CCDC170: variants seen among roughly 807,000 people sequenced by gnomAD.
CCDC170 encodes the protein coiled-coil domain-containing protein 170.
Under a neutral mutation model 72.6 loss-of-function variants are expected in CCDC170, and 69 were observed. That is an observed-to-expected ratio of 0.95 (90% CI 0.78 to 1.16). The LOEUF (loss-of-function observed/expected upper bound fraction) is 1.16. CCDC170 is among the 50% of genes most tolerant of loss of function. CCDC170 has a pLI of 0.00. For synonymous variants in CCDC170, 300 were observed against 303.9 expected, an observed-to-expected ratio of 0.99 and a Z score of 0.13; for missense variants, 852 against 832.5, an observed-to-expected ratio of 1.02 and a Z score of -0.29.
At chr6:151,561,209 C>T (rs1249223477) in intron 5 of CCDC170, among the ~76,000 whole-genome samples, 1 of 151,822 alleles carries the variant, frequency 6.6e-6, no homozygotes, top group African/African-American at 2.4e-5. Flanking sequence ...TCCTTTGTTA[C>T]AAACAATCCA....
In CCDC170 at chr6:151,532,755, T is replaced by G. The variant is rs139057234; in HGVS notation, c.58-3563T>G. On this transcript the variant is annotated intron_variant, in intron 1 of 10. Transcript: ENST00000239374. ...GACCCCAGTAACAATATCGACAAAA[T>G]TTTTTGGAATTTTCCAAGAAGATTT... Among the ~76,000 whole-genome samples, 584 of 152,276 alleles carry G rather than the reference T, an allele frequency of 3.8e-3. 4 individuals are homozygous for G. The highest frequency in any genetic ancestry group is 0.013 in the African/African-American group (561 of 41,556).
intron 9 of CCDC170, among the ~76,000 whole-genome samples, chr6:151,601,308 A>G (rs1371755406): frequency 2.6e-5 from 4 of 152,124 alleles, no homozygotes; most frequent in Non-Finnish European, 5.9e-5. Flanking sequence ...CCCTCTCACA[A>G]CATATGGGAA....
At chr6:151,524,224 G>T (rs946849039) in intron 1 of CCDC170, among the ~76,000 whole-genome samples, 1 of 152,174 alleles carries the variant, frequency 6.6e-6, no homozygotes, top group Non-Finnish European at 1.5e-5. Flanking sequence ...GCATGTCTGG[G>T]CAAGCCCCCC....
chr6:151,541,886 A>ATATT (rs1554221612), intron 3 of CCDC170, among the ~76,000 whole-genome samples: 5 of 137,156 alleles, frequency 3.6e-5, no homozygotes, highest in African/African-American at 1.1e-4. Flanking sequence ...ATATATATAT[A>ATATT]TTTTTTTTTT....
intron 9 of CCDC170, among the ~76,000 whole-genome samples, chr6:151,602,094 G>GA (rs1463499746): frequency 6.6e-6 from 1 of 152,126 alleles, no homozygotes; most frequent in Non-Finnish European, 1.5e-5. Flanking sequence ...AACCATGATT[G>GA]AAGACCTTGA....
intron 3 of CCDC170, 84 bp from the exon 4 acceptor site, chr6:151,544,488 C>T (rs1369517471): frequency 3.1e-6 from 4 of 1,279,618 alleles, no homozygotes; most frequent in Non-Finnish European, 4.3e-6. Context: ...TTATTTCCCC[C>T]ATAGAGCTTA....
chr6:151,525,090 A>ACG (rs1173344689), intron 1 of CCDC170, among the ~76,000 whole-genome samples: 10 of 151,888 alleles, frequency 6.6e-5, no homozygotes, highest in Non-Finnish European at 1.2e-4. Context: ...CCGCCACTGC[A>ACG]CCCAGCTAAT....
chr6:151,506,160 C>T (rs1782063336), intron 1 of CCDC170, among the ~76,000 whole-genome samples: 1 of 152,096 alleles, frequency 6.6e-6, no homozygotes, highest in Non-Finnish European at 1.5e-5. Flanking sequence ...CCAGTGTTGG[C>T]CTGAGTTATA....
chr6:151,610,791 T>C (rs1776857970), intron 9 of CCDC170, among the ~76,000 whole-genome samples: 2 of 152,260 alleles, frequency 1.3e-5, no homozygotes, highest in Admixed American at 6.5e-5. Flanking sequence ...GTGATATTTT[T>C]CACTGGCTCT....
rs148514615 is a variant in CCDC170 at position 151,587,510 on chromosome 6, G to A, written c.1293+1421G>A. Among the ~76,000 whole-genome samples, 207 of 152,302 alleles carry A rather than the reference G, an allele frequency of 1.4e-3. 3 individuals carry two copies. Among genetic ancestry groups the A allele is most frequent in the African/African-American group, 4.9e-3 (203 of 41,572 alleles). ...GGGAAAGGGAGGCACACAGGCCCAA[G>A]AGCCTCGATGCCAAATTTGGCATGA... On this transcript the variant is annotated intron_variant, in intron 7 of 10. Transcript: ENST00000239374.
At chr6:151,556,853 C>T (rs528368582) in intron 5 of CCDC170, among the ~76,000 whole-genome samples, 133 of 152,214 alleles carry the variant, frequency 8.7e-4, no homozygotes, top group Middle Eastern at 6.8e-3. Context: ...ATGCTTGTAT[C>T]CATTAACCAA....
rs1371610287 is a variant in CCDC170 at position 151,538,130 on chromosome 6, A to C, written c.272A>C (p.Asn91Thr). 1 of 1,614,038 alleles carries C rather than the reference A, an allele frequency of 6.2e-7. No homozygotes were observed. Among genetic ancestry groups the C allele is most frequent in the South Asian group, 1.1e-5 (1 of 91,084 alleles). Residue 91 changes from asparagine (N) to threonine (T), a missense_variant, in exon 3 of 11, where the codon AAT becomes ACT. Transcript: ENST00000239374. ...KAEMESYKEN[N>T]ARKSSLLTSL... is the part of the protein sequence containing the mutation. ...GAAATGGAGAGCTACAAGGAAAACA[A>C]TGCCAGAAAATCATCTCTCCTTACC...
At chr6:151,557,452 G>A (rs1783001153) in intron 5 of CCDC170, among the ~76,000 whole-genome samples, 1 of 151,884 alleles carries the variant, frequency 6.6e-6, no homozygotes, top group Admixed American at 6.6e-5. Context: ...TGGACACTTC[G>A]GTTGATTCCG....
intron 3 of CCDC170, among the ~76,000 whole-genome samples, chr6:151,542,578 C>G (rs898313639): frequency 2.0e-5 from 3 of 152,200 alleles, no homozygotes; most frequent in African/African-American, 7.2e-5. Context: ...CCATAATGTA[C>G]TCAATCACTT....
In CCDC170 at chr6:151,521,695, A is replaced by C. The variant is rs182213954; in HGVS notation, c.58-14623A>C. On this transcript the variant is annotated intron_variant, in intron 1 of 10. Coordinates refer to ENST00000239374, the MANE Select transcript of CCDC170 (RefSeq NM_025059.4). Reference sequence around the variant, plus strand: ...CAAAAGCATTCTTAGTTTAAGCGTAAGTTTCGGGCCAGGCGTGGTGGCTCA... The same window carrying C: ...CAAAAGCATTCTTAGTTTAAGCGTACGTTTCGGGCCAGGCGTGGTGGCTCA... 2.6e-3 allele frequency among the ~76,000 whole-genome samples: 394 copies of C among 152,276 alleles called. 1 individual carries two copies. Among genetic ancestry groups the C allele is most frequent in the African/African-American group, 8.5e-3 (352 of 41,558 alleles).
At chr6:151,570,677 A>G (rs1776204887) in intron 5 of CCDC170, among the ~76,000 whole-genome samples, 2 of 152,236 alleles carry the variant, frequency 1.3e-5, no homozygotes, top group South Asian at 4.1e-4. Flanking sequence ...GAACGACCGT[A>G]GTTTCCAAGT....
intron 5 of CCDC170, among the ~76,000 whole-genome samples, chr6:151,555,323 C>T (rs989008551): frequency 3.3e-5 from 5 of 152,024 alleles, no homozygotes; most frequent in African/African-American, 9.7e-5. Flanking sequence ...TTTCCTTTTC[C>T]TAGTTATTTA....
At chr6:151,554,989 C>G (rs559274373) in intron 5 of CCDC170, among the ~76,000 whole-genome samples, 8 of 149,022 alleles carry the variant, frequency 5.4e-5, no homozygotes, top group African/African-American at 1.7e-4. Flanking sequence ...AATGATTCTC[C>G]TGCCTCAGCC....
chr6:151,600,766 A>T (rs1457232506), intron 9 of CCDC170, among the ~76,000 whole-genome samples: 3 of 152,094 alleles, frequency 2.0e-5, no homozygotes, highest in African/African-American at 7.2e-5. Flanking sequence ...TTTATTTTTT[A>T]AAGTGTATAA....
Sources: gnomAD v4.1 joint callset for allele counts (sites outside exome capture counted in the v4.1 genomes callset) on GRCh38, gnomAD v4.1.1 for gene constraint, MANE v1.5 for transcripts, NCBI Gene and HGNC (gene_info 2026-07-23, HGNC 2026-07-21) for gene names.